The following RNF152 variants were observed in gnomAD, a reference collection of about 807,000 sequenced individuals.
RNF152 encodes ring finger protein 152.
In RNF152, 11 loss-of-function variants were observed where a neutral mutation model predicts 12.7. That is an observed-to-expected ratio of 0.86 (90% CI 0.54 to 1.43). The LOEUF (loss-of-function observed/expected upper bound fraction) is 1.43. RNF152 is among the 40% of genes most tolerant of loss of function. The pLI is 0.00. For missense variants in RNF152, 255 were observed against 274.8 expected, an observed-to-expected ratio of 0.93 and a Z score of 0.51; for synonymous variants, 113 against 120.3, an observed-to-expected ratio of 0.94 and a Z score of 0.40.
chr18:61,814,718 A>C lies in RNF152; in HGVS notation c.*1134T>G, dbSNP rs535921946. 10 of 152,332 alleles carry C rather than the reference A, an allele frequency of 6.6e-5. No individual in the cohort carries two copies. The highest frequency in any genetic ancestry group is 2.4e-4 in the African/African-American group (10 of 41,580). The allele number at this position is 152,332 out of a possible 1,614,324, so 9.4% of individuals were successfully genotyped here. A position where few individuals can be genotyped will look rare whatever the true frequency, so the allele number is the denominator to read the frequency against. Reference sequence around the variant, plus strand: ...TAACTCTTGTGGAAGAGCATCTTTCAAAAAAGAATCACAGGCCATTTATTA... The same window carrying C: ...TAACTCTTGTGGAAGAGCATCTTTCCAAAAAGAATCACAGGCCATTTATTA... On this transcript the variant is annotated 3_prime_UTR_variant, in exon 2 of 2. Coordinates refer to ENST00000312828, the MANE Select transcript of RNF152 (RefSeq NM_173557.3).
intron 1 of RNF152, among the ~76,000 whole-genome samples, chr18:61,825,873 C>T (rs1199620058): frequency 1.3e-5 from 2 of 151,928 alleles, no homozygotes; most frequent in East Asian, 1.9e-4. Flanking sequence ...TTTTTTTTTA[C>T]TAACCACAAA....
intron 1 of RNF152, among the ~76,000 whole-genome samples, chr18:61,877,071 C>A (rs1285012275): frequency 6.6e-6 from 1 of 152,168 alleles, no homozygotes; most frequent in Non-Finnish European, 1.5e-5. Context: ...ATAGAACAGG[C>A]ACACAGACCA....
intron 1 of RNF152, among the ~76,000 whole-genome samples, chr18:61,883,312 T>A (rs1003167951): frequency 6.6e-6 from 1 of 152,248 alleles, no homozygotes; most frequent in African/African-American, 2.4e-5. Context: ...GAAGAATTTC[T>A]AAAAGGTTTC....
chr18:61,884,512 G>A (rs1238269490), intron 1 of RNF152, among the ~76,000 whole-genome samples: 1 of 151,896 alleles, frequency 6.6e-6, no homozygotes, highest in Non-Finnish European at 1.5e-5. Context: ...TAGAAGGCAG[G>A]GATTTTTTTA....
intron 1 of RNF152, among the ~76,000 whole-genome samples, chr18:61,848,522 G>GC (rs1312594981): frequency 6.6e-6 from 1 of 152,150 alleles, no homozygotes; most frequent in African/African-American, 2.4e-5. Context: ...ACTACACACA[G>GC]CCCCCCAGGC....
rs78643501 is a variant in RNF152, at chr18:61,843,367, T to C, written c.-135-26769A>G. 1.5e-3 allele frequency among the ~76,000 whole-genome samples: 232 copies of C among 152,324 alleles called. 1 individual carries two copies. Among genetic ancestry groups the C allele is most frequent in the African/African-American group, 5.5e-3 (230 of 41,572 alleles). On this transcript the variant is annotated intron_variant, in intron 1 of 1. Transcript: ENST00000312828. ...GCTATTGTTTAAAAATCTATAGCAA[T>C]AACTGTTGTTTTAAAACAGTATGTC...
chr18:61,841,846 G>A (rs562725788), intron 1 of RNF152, among the ~76,000 whole-genome samples: 3 of 152,304 alleles, frequency 2.0e-5, no homozygotes, highest in East Asian at 1.9e-4. Flanking sequence ...TACATTCTTT[G>A]CACAGGGACA....
rs1415896792 is a variant in RNF152, at chr18:61,811,629, C to A, written c.*4223G>T. 1 of 152,222 alleles carries A rather than the reference C, an allele frequency of 6.6e-6. No individual in the cohort carries two copies. The highest frequency in any genetic ancestry group is 1.5e-5 in the Non-Finnish European group (1 of 68,032). 9.4% of individuals were successfully genotyped at this position (152,222 alleles called of 1,614,324 possible). A position where few individuals can be genotyped will look rare whatever the true frequency, so the allele number is the denominator to read the frequency against. ...CAAGCTGGCCAACTTCAAGGGCAAA[C>A]AAAACCAGTCTGAACACTGCAAAAC... On this transcript the variant is annotated 3_prime_UTR_variant, in exon 2 of 2. Coordinates refer to ENST00000312828, the MANE Select transcript of RNF152 (RefSeq NM_173557.3).
chr18:61,861,216 A>G (rs1911462594), intron 1 of RNF152, among the ~76,000 whole-genome samples: 1 of 152,214 alleles, frequency 6.6e-6, no homozygotes, highest in Non-Finnish European at 1.5e-5. Context: ...TCACATCCTG[A>G]ATCACTCAGA....
intron 1 of RNF152, among the ~76,000 whole-genome samples, chr18:61,843,601 C>T (rs951466307): frequency 2.0e-5 from 3 of 152,112 alleles, no homozygotes; most frequent in African/African-American, 7.2e-5. Flanking sequence ...TATGGCCATA[C>T]AATGGAATAT....
At position 61,808,583 on chromosome 18, in the gene RNF152, C is replaced by T. The variant is rs1315790900; in HGVS notation, c.*7269G>A. 1 of 152,134 alleles carries T rather than the reference C, an allele frequency of 6.6e-6. No individual in the cohort carries two copies. Among genetic ancestry groups the T allele is most frequent in the Non-Finnish European group, 1.5e-5 (1 of 68,028 alleles). The allele number at this position is 152,134 out of a possible 1,614,324, so 9.4% of individuals were successfully genotyped here. A position where few individuals can be genotyped will look rare whatever the true frequency, so the allele number is the denominator to read the frequency against. On this transcript the variant is annotated 3_prime_UTR_variant, in exon 2 of 2. Coordinates refer to ENST00000312828, the MANE Select transcript of RNF152 (RefSeq NM_173557.3). ...TGGGAGGAACCCTGGATTGCAGCTA[C>T]ATGGCTTATGTAGGGAGTTTGTAAC...
chr18:61,894,216 G>A (rs1221918923), upstream of RNF152: 5 of 151,238 alleles, frequency 3.3e-5, no homozygotes, highest in Non-Finnish European at 7.4e-5. This position sits in a 1 kb window ranked among gnomAD's most constrained non-coding sequence, Gnocchi z 4.9. Flanking sequence ...ATCGCCGGGT[G>A]GTCCCGGCGC....
chr18:61,815,840 C>T lies in RNF152; in HGVS notation c.*12G>A. 6.2e-7 allele frequency: 1 copy of T among 1,610,188 alleles called. No homozygotes were observed. Among genetic ancestry groups the T allele is most frequent in the Non-Finnish European group, 8.5e-7 (1 of 1,176,920 alleles). ...AAGTTGGCACCCACAAGAGACTTCC[C>T]TGCAGCCCTCTTCAGCCACAGGATA... On this transcript the variant is annotated 3_prime_UTR_variant, in exon 2 of 2. Coordinates refer to ENST00000312828, the MANE Select transcript of RNF152 (RefSeq NM_173557.3).
intron 1 of RNF152, among the ~76,000 whole-genome samples, chr18:61,825,149 C>T (rs1029739595): frequency 6.6e-6 from 1 of 152,210 alleles, no homozygotes; most frequent in Non-Finnish European, 1.5e-5. Context: ...ATTGTGAACT[C>T]ACCTTGTGTA....
At chr18:61,830,025 CT>C (rs552091117) in intron 1 of RNF152, among the ~76,000 whole-genome samples, 401 of 143,170 alleles carry the variant, frequency 2.8e-3, no homozygotes, top group African/African-American at 4.4e-3. Context: ...CAGAGAGCTT[CT>C]TTTTTTTTTT....
chr18:61,837,158 T>C (rs1910226324), intron 1 of RNF152, among the ~76,000 whole-genome samples: 1 of 152,188 alleles, frequency 6.6e-6, no homozygotes, highest in African/African-American at 2.4e-5. Context: ...ATGACAGGGA[T>C]GATGAGACAT....
In RNF152 at chr18:61,823,862, C is replaced by T. The variant is rs150525680; in HGVS notation, c.-135-7264G>A. On this transcript the variant is annotated intron_variant, in intron 1 of 1. Coordinates refer to ENST00000312828, the MANE Select transcript of RNF152 (RefSeq NM_173557.3). ...AATTGGCCTGGCTGCAGCCTAGGTG[C>T]TGTCCCTGTCTGGATGTGCCGTGGA... is the stretch of plus-strand genomic sequence containing the variant. Among the ~76,000 whole-genome samples the T allele has an allele frequency of 1.1e-3, 174 of 152,350 alleles. 2 individuals are homozygous for T. Among genetic ancestry groups the T allele is most frequent in the African/African-American group, 4.0e-3 (166 of 41,584 alleles).
At chr18:61,828,049 G>T (rs1356371688) in intron 1 of RNF152, among the ~76,000 whole-genome samples, 1 of 152,158 alleles carries the variant, frequency 6.6e-6, no homozygotes, top group Non-Finnish European at 1.5e-5. Flanking sequence ...GCAATAAAAT[G>T]CACATATGTT....
intron 1 of RNF152, among the ~76,000 whole-genome samples, chr18:61,818,747 G>A (rs1909236387): frequency 6.6e-6 from 1 of 152,168 alleles, no homozygotes; most frequent in African/African-American, 2.4e-5. Context: ...TAGGTAAGAA[G>A]GAACACACGA....
Sources: gnomAD v4.1 joint callset for allele counts (sites outside exome capture counted in the v4.1 genomes callset) on GRCh38, gnomAD v4.1.1 for gene constraint, Gnocchi (gnomAD v3.1) non-coding constraint, MANE v1.5 for transcripts, NCBI Gene and HGNC (gene_info 2026-07-23, HGNC 2026-07-21) for gene names.